Variants in RSPH14 observed in about 807,000 individuals in gnomAD.
The protein encoded by RSPH14 is rhabdoid tumor deletion region gene 1.
RSPH14 carries 20 observed loss-of-function variants against 26.7 expected under a neutral mutation model. The ratio of observed to expected loss-of-function variants is 0.75; its 90% CI spans 0.53 to 1.09. The LOEUF (loss-of-function observed/expected upper bound fraction) is 1.09. RSPH14 is among the 50% of genes least tolerant of loss of function. RSPH14 has a pLI of 0.00. For synonymous variants in RSPH14, 177 were observed against 189.3 expected (o/e 0.93, Z 0.53); for missense variants, 449 against 457.2 (o/e 0.98, Z 0.16).
chr22:23,115,758 G>A (rs2069813657), intron 4 of RSPH14, among the ~76,000 whole-genome samples: 1 of 152,220 alleles, frequency 6.6e-6, no homozygotes, highest in Admixed American at 6.5e-5. Flanking sequence ...TTTTGACTGG[G>A]TCTTTTTCAG....
upstream of RSPH14, chr22:23,146,759 C>T: frequency 1.3e-6 from 2 of 1,562,138 alleles, no homozygotes; most frequent in Non-Finnish European, 1.7e-6. Flanking sequence ...TACACTCATG[C>T]CTAGAAGTAA....
intron 4 of RSPH14, chr22:23,095,336 C>T: frequency 3.7e-6 from 1 of 271,306 alleles, no homozygotes; most frequent in Non-Finnish European, 7.1e-6. Flanking sequence ...AGCCACTCAG[C>T]AACATCGCCA....
At chr22:23,116,896 G>C (rs1311500439) in intron 4 of RSPH14, among the ~76,000 whole-genome samples, 1 of 152,186 alleles carries the variant, frequency 6.6e-6, no homozygotes, top group Non-Finnish European at 1.5e-5. Flanking sequence ...CTGGGAGGGG[G>C]ACAGGCCCCT....
At position 23,121,720 on chromosome 22, in the gene RSPH14, CTTTTTTTTTTT is replaced by C. The variant is rs10598505; in HGVS notation, c.421+12295_421+12305del. Among the ~76,000 whole-genome samples, 49 of 123,176 alleles carry C rather than the reference CTTTTTTTTTTT, an allele frequency of 4.0e-4. No homozygotes were observed. In the South Asian group the frequency reaches 0.012, roughly 31 times the overall value. 80.8% of individuals were successfully genotyped at this position (123,176 alleles called of 152,430 possible). ...TGATGTAGTCTAGTCAGAAAAGTTC[CTTTTTTTTTTT>C]TTTTTTTTGAGACAGAGTCTCGCTG... On this transcript the variant is annotated intron_variant, in intron 4 of 6. Transcript: ENST00000216036.
chr22:23,173,955 C>T, the RSPH14 span, among the ~76,000 whole-genome samples: 32 of 152,170 alleles, frequency 2.1e-4, no homozygotes, highest in East Asian at 3.3e-3. Context: ...AATGATCCAC[C>T]CTCCTCGGCC....
intron 4 of RSPH14, chr22:23,123,591 A>G (rs987947366): frequency 2.7e-5 from 16 of 603,660 alleles, no homozygotes; most frequent in Non-Finnish European, 3.8e-5. Flanking sequence ...TTCTGCAAAC[A>G]TAAATATTTA....
chr22:23,150,304 CTTTTT>C, the RSPH14 span: 7 of 444,488 alleles, frequency 1.6e-5, no homozygotes, highest in East Asian at 4.2e-5. Context: ...TTTTTTTTTT[CTTTTT>C]TTTTTTTTTT....
At chr22:23,108,099 C>G (rs1050082503) in intron 4 of RSPH14, among the ~76,000 whole-genome samples, 2 of 152,224 alleles carry the variant, frequency 1.3e-5, no homozygotes, top group African/African-American at 2.4e-5. Flanking sequence ...GGAGCAGGTG[C>G]ATCTGTGCAG....
At chr22:23,081,181 A>G (rs2068667171) in intron 4 of RSPH14, among the ~76,000 whole-genome samples, 1 of 152,216 alleles carries the variant, frequency 6.6e-6, no homozygotes, top group Admixed American at 6.5e-5. Flanking sequence ...GGGGACAAGG[A>G]GTATAACAGC....
At chr22:23,149,579 C>G (rs2070987714), upstream of RSPH14, among the ~76,000 whole-genome samples, 2 of 152,186 alleles carry the variant, frequency 1.3e-5, no homozygotes, top group Non-Finnish European at 2.9e-5. Flanking sequence ...ACTCTGTCAC[C>G]CAAGTTGGAG....
chr22:23,173,522 C>T, the RSPH14 span, among the ~76,000 whole-genome samples: 2 of 151,974 alleles, frequency 1.3e-5, no homozygotes, highest in South Asian at 2.1e-4. Flanking sequence ...CTCACTAAAA[C>T]TTCAACCTCC....
the RSPH14 span, among the ~76,000 whole-genome samples, chr22:23,151,282 C>T: frequency 6.6e-6 from 1 of 152,218 alleles, no homozygotes; most frequent in African/African-American, 2.4e-5. Context: ...CTCCCTGATC[C>T]CTTATGGCAG....
chr22:23,145,151 C>G (rs1264320012), upstream of RSPH14: 1 of 590,920 alleles, frequency 1.7e-6, no homozygotes, highest in Non-Finnish European at 3.0e-6. Context: ...ACCGCCCAAC[C>G]TCTCCCAGCC....
chr22:23,131,927 G>A (rs180730585), intron 4 of RSPH14, among the ~76,000 whole-genome samples: 58 of 152,298 alleles, frequency 3.8e-4, no homozygotes, highest in Admixed American at 1.2e-3. Flanking sequence ...CAGATCAGCT[G>A]GAAGAAGATG....
intron 4 of RSPH14, among the ~76,000 whole-genome samples, chr22:23,093,756 TG>T (rs1380555583): frequency 2.6e-5 from 4 of 151,548 alleles, no homozygotes; most frequent in African/African-American, 9.7e-5. Context: ...CTGAGAGTGG[TG>T]GGGGTAATAT....
intron 4 of RSPH14, chr22:23,123,291 G>C: frequency 6.2e-7 from 1 of 1,614,076 alleles, no homozygotes; most frequent in South Asian, 1.1e-5. Context: ...GCAGTTTGAA[G>C]ACCTGAACCG....
intron 3 of RSPH14, 129 bp from the exon 4 acceptor site, chr22:23,134,273 T>C: frequency 1.5e-6 from 1 of 679,012 alleles, no homozygotes; most frequent in Non-Finnish European, 2.5e-6. Context: ...TCTGGCTTTG[T>C]GGGAGCAGAC....
the RSPH14 span, among the ~76,000 whole-genome samples, chr22:23,152,696 G>A: frequency 6.6e-6 from 1 of 152,232 alleles, no homozygotes. Context: ...AAATCGGGGA[G>A]ATGGCAGGGC....
At chr22:23,141,158 G>A (rs1050451934) in intron 1 of RSPH14, among the ~76,000 whole-genome samples, 33 of 152,024 alleles carry the variant, frequency 2.2e-4, no homozygotes, top group Non-Finnish European at 3.7e-4. Context: ...GTGAAACCCC[G>A]TCTCTACTAA....
Sources: gnomAD v4.1 joint callset for allele counts (sites outside exome capture counted in the v4.1 genomes callset) on GRCh38, gnomAD v4.1.1 for gene constraint, MANE v1.5 for transcripts, NCBI Gene and HGNC (gene_info 2026-07-23, HGNC 2026-07-21) for gene names.